The following EYS variants were observed in gnomAD, a reference collection of about 807,000 sequenced individuals.
EYS encodes the protein protein eyes shut homolog.
Under a neutral mutation model 282.1 loss-of-function variants are expected in EYS, and 250 were observed. That is an observed-to-expected ratio of 0.89 (90% CI 0.80 to 0.98). The LOEUF (loss-of-function observed/expected upper bound fraction) is 0.98. Ranked by LOEUF, EYS falls within the 50% of genes least tolerant of loss-of-function variation. The probability of loss-of-function intolerance (pLI) is 0.00; values close to 1 mark genes in which losing one functional copy is unlikely to be tolerated. For synonymous variants in EYS, 1,355 were observed against 1,282.9 expected (o/e 1.06, Z -1.20); for missense variants, 4,016 against 3,709.0 (o/e 1.08, Z -2.15).
At chr6:65,141,623 G>A (rs1343207553) in intron 12 of EYS, among the ~76,000 whole-genome samples, 1 of 144,598 alleles carries the variant, frequency 6.9e-6, no homozygotes, top group Non-Finnish European at 1.5e-5. Flanking sequence ...TGAAGTCAGT[G>A]AGTCAGTCTG....
intron 19 of EYS, among the ~76,000 whole-genome samples, chr6:64,856,613 G>T (rs1766068756): frequency 6.6e-6 from 1 of 151,582 alleles, no homozygotes; most frequent in Non-Finnish European, 1.5e-5. Flanking sequence ...CATTTTTAAA[G>T]GACTTTTTTT....
chr6:64,968,091 C>G (rs947767922), intron 14 of EYS, among the ~76,000 whole-genome samples: 2 of 152,148 alleles, frequency 1.3e-5, no homozygotes, highest in South Asian at 4.2e-4. Context: ...AAATTTGTAC[C>G]CTCTCTTCAA....
At chr6:65,476,764 A>C (rs1765423615) in intron 5 of EYS, among the ~76,000 whole-genome samples, 1 of 152,054 alleles carries the variant, frequency 6.6e-6, no homozygotes, top group Non-Finnish European at 1.5e-5. Flanking sequence ...TGTAGTAGAG[A>C]CGGGGTTTCA....
At chr6:65,589,993 C>G (rs1447857835) in intron 2 of EYS, among the ~76,000 whole-genome samples, 1 of 151,792 alleles carries the variant, frequency 6.6e-6, no homozygotes, top group East Asian at 1.9e-4. Context: ...AAAGCAAAAC[C>G]ATTGGCAAAA....
chr6:64,322,886 T>C (rs1471273695), intron 29 of EYS, among the ~76,000 whole-genome samples: 2 of 151,988 alleles, frequency 1.3e-5, no homozygotes, highest in Non-Finnish European at 2.9e-5. Flanking sequence ...ATTTTGTCTG[T>C]TTCTCTCCAG....
intron 31 of EYS, 92 bp from the exon 32 acceptor site, chr6:64,082,094 GA>G: frequency 2.4e-6 from 2 of 840,040 alleles, no homozygotes; most frequent in South Asian, 4.0e-5. Flanking sequence ...GCATTCATTT[GA>G]AAAGGTAACA....
At chr6:65,111,409 A>G (rs1433719054) in intron 12 of EYS, among the ~76,000 whole-genome samples, 2 of 152,172 alleles carry the variant, frequency 1.3e-5, no homozygotes, top group Non-Finnish European at 2.9e-5. Context: ...AAAACTTCCT[A>G]GCAATATAGA....
intron 12 of EYS, among the ~76,000 whole-genome samples, chr6:65,271,949 A>G (rs971742044): frequency 1.3e-5 from 2 of 152,154 alleles, no homozygotes; most frequent in Admixed American, 1.3e-4. Context: ...GTTGAAGGAG[A>G]AAATCCTGAA....
chr6:64,240,266 A>G (rs4473845), intron 30 of EYS, among the ~76,000 whole-genome samples: 47,542 of 152,012 alleles, frequency 0.31, 7,447 homozygotes, highest in East Asian at 0.51. Context: ...TGAAATTTAA[A>G]GCAGTTTTTT....
intron 2 of EYS, among the ~76,000 whole-genome samples, chr6:65,550,143 CTTTTT>C (rs1048251073): frequency 8.4e-4 from 5 of 5,954 alleles, no homozygotes; most frequent in Non-Finnish European, 1.2e-3. Flanking sequence ...TCTACTATAT[CTTTTT>C]TTTTTTTTTT....
At chr6:63,819,520 T>A (rs1267929455) in intron 36 of EYS, among the ~76,000 whole-genome samples, 1 of 152,186 alleles carries the variant, frequency 6.6e-6, no homozygotes, top group Admixed American at 6.5e-5. Flanking sequence ...GCACCACGTG[T>A]CAGTTAAAGT....
chr6:64,569,236 A>G (rs980680852), intron 26 of EYS, among the ~76,000 whole-genome samples: 1 of 151,614 alleles, frequency 6.6e-6, no homozygotes, highest in Non-Finnish European at 1.5e-5. Context: ...AAGGAAGCTA[A>G]GAACCTTGAA....
At chr6:64,349,573 A>G (rs1008310906) in intron 29 of EYS, among the ~76,000 whole-genome samples, 3 of 151,344 alleles carry the variant, frequency 2.0e-5, no homozygotes, top group Admixed American at 6.6e-5. Context: ...AATAAATAGA[A>G]TCTTCTATTT....
intron 11 of EYS, among the ~76,000 whole-genome samples, chr6:65,320,485 C>T (rs948222797): frequency 1.3e-5 from 2 of 152,038 alleles, no homozygotes; most frequent in African/African-American, 4.8e-5. Flanking sequence ...GGGTGGAGTT[C>T]CTCCTATTAA....
chr6:65,442,324 A>T (rs1245576814), intron 5 of EYS, among the ~76,000 whole-genome samples: 1 of 152,050 alleles, frequency 6.6e-6, no homozygotes, highest in African/African-American at 2.4e-5. Context: ...GGTTTGAATT[A>T]TATGGGCTTA....
intron 12 of EYS, among the ~76,000 whole-genome samples, chr6:65,139,721 A>C (rs943103154): frequency 6.6e-6 from 1 of 152,076 alleles, no homozygotes; most frequent in Non-Finnish European, 1.5e-5. Flanking sequence ...GCAGAGGCCC[A>C]GTGAAAAGCC....
chr6:64,580,128 T>C (rs961451652), intron 26 of EYS, among the ~76,000 whole-genome samples: 2 of 152,162 alleles, frequency 1.3e-5, no homozygotes, highest in South Asian at 2.1e-4. Context: ...TCTTAACCTA[T>C]ATTAACTTGA....
intron 31 of EYS, among the ~76,000 whole-genome samples, chr6:64,182,469 G>T (rs1764813338): frequency 6.6e-6 from 1 of 152,058 alleles, no homozygotes; most frequent in Admixed American, 6.6e-5. Flanking sequence ...ACATACTCAA[G>T]GGCATTACTC....
At chr6:65,218,089 A>T (rs1034082107) in intron 12 of EYS, among the ~76,000 whole-genome samples, 1 of 152,072 alleles carries the variant, frequency 6.6e-6, no homozygotes, top group Non-Finnish European at 1.5e-5. Context: ...TCTGGGGGCT[A>T]TGTGTGTGGT....
Sources: allele counts gnomAD v4.1 joint callset (sites outside exome capture counted in the v4.1 genomes callset), GRCh38; gene constraint gnomAD v4.1.1; transcripts MANE v1.5; gene names NCBI Gene and HGNC (gene_info 2026-07-23, HGNC 2026-07-21).